GALNT13: variants seen among roughly 807,000 people sequenced by gnomAD.
GALNT13 encodes UDP-GalNAc:polypeptide N-acetylgalactosaminyltransferase 13.
Under a neutral mutation model 64.2 loss-of-function variants are expected in GALNT13, and 28 were observed. The ratio of observed to expected loss-of-function variants is 0.44; its 90% confidence interval spans 0.32 to 0.60. The LOEUF (loss-of-function observed/expected upper bound fraction) is 0.60, where lower values mean the gene tolerates loss of function less well. Ranked by LOEUF, GALNT13 falls within the 20% of genes least tolerant of loss-of-function variation. The probability of loss-of-function intolerance (pLI) is 0.05; values close to 1 mark genes in which losing one functional copy is unlikely to be tolerated. For synonymous variants in GALNT13, 214 were observed against 224.6 expected (o/e 0.95, Z 0.42); for missense variants, 577 against 669.8 (o/e 0.86, Z 1.53).
chr2:154,405,169 C>G (rs1343617029), intron 10 of GALNT13, among the ~76,000 whole-genome samples: 2 of 151,688 alleles, frequency 1.3e-5, no homozygotes, highest in African/African-American at 4.8e-5. Context: ...TAGAAAAGAA[C>G]AACATAAATT....
chr2:153,435,385 T>C, the GALNT13 span, among the ~76,000 whole-genome samples: 5 of 152,164 alleles, frequency 3.3e-5, no homozygotes, highest in Non-Finnish European at 5.9e-5. Context: ...GGTAGCTTGA[T>C]GGGGATGGCA....
At chr2:153,082,606 TATATATATATATACACACACACACACAC>T in the GALNT13 span, among the ~76,000 whole-genome samples, 19 of 44,788 alleles carry the variant, frequency 4.2e-4, no homozygotes, top group South Asian at 7.5e-4. Context: ...TATATATATA[TATATATATATATACACACACACACACAC>T]ACACACACAC....
the GALNT13 span, among the ~76,000 whole-genome samples, chr2:153,341,731 C>T: frequency 2.0e-5 from 3 of 152,194 alleles, no homozygotes; most frequent in African/African-American, 7.2e-5. Context: ...CTCTTGCCTA[C>T]TGTGCTATAA....
the GALNT13 span, among the ~76,000 whole-genome samples, chr2:153,740,816 A>G: frequency 6.6e-6 from 1 of 152,008 alleles, no homozygotes; most frequent in Non-Finnish European, 1.5e-5. Flanking sequence ...TGCTTTGTTC[A>G]TTTTCCGTCA....
chr2:154,092,811 G>T (rs927343293), intron 3 of GALNT13, among the ~76,000 whole-genome samples: 1 of 151,920 alleles, frequency 6.6e-6, no homozygotes, highest in Non-Finnish European at 1.5e-5. Context: ...TTCTTGTGAA[G>T]TAAGAGGCAT....
At chr2:153,333,508 G>T in the GALNT13 span, among the ~76,000 whole-genome samples, 12 of 152,022 alleles carry the variant, frequency 7.9e-5, no homozygotes, top group Non-Finnish European at 4.4e-5. Flanking sequence ...CACAGAGTTG[G>T]TCTTTATGCA....
chr2:154,180,248 A>C (rs1685880581), intron 4 of GALNT13, among the ~76,000 whole-genome samples: 1 of 152,132 alleles, frequency 6.6e-6, no homozygotes, highest in Non-Finnish European at 1.5e-5. Context: ...ATATAAATAG[A>C]CTCATAACAA....
chr2:154,418,990 A>T (rs1376384025), intron 11 of GALNT13, among the ~76,000 whole-genome samples: 1 of 152,120 alleles, frequency 6.6e-6, no homozygotes, highest in Admixed American at 6.6e-5. Context: ...CTCTACCATC[A>T]TAGTAATTGT....
At chr2:153,389,699 T>C in the GALNT13 span, among the ~76,000 whole-genome samples, 1 of 152,128 alleles carries the variant, frequency 6.6e-6, no homozygotes, top group Non-Finnish European at 1.5e-5. Flanking sequence ...TTTTATGAAC[T>C]GGCTTGTATA....
At chr2:153,848,430 T>A in the GALNT13 span, among the ~76,000 whole-genome samples, 3 of 152,082 alleles carry the variant, frequency 2.0e-5, no homozygotes, top group African/African-American at 7.2e-5. Context: ...TCTCAAGAAG[T>A]CATAAAAATA....
chr2:153,399,532 A>G, the GALNT13 span, among the ~76,000 whole-genome samples: 4 of 151,900 alleles, frequency 2.6e-5, no homozygotes, highest in Non-Finnish European at 5.9e-5. Flanking sequence ...CCATTTTCAC[A>G]ATATTGATTC....
the GALNT13 span, among the ~76,000 whole-genome samples, chr2:153,639,117 A>C: frequency 6.6e-6 from 1 of 152,120 alleles, no homozygotes; most frequent in South Asian, 2.1e-4. Context: ...GGGATGGTAA[A>C]GAGATCAGTA....
intron 8 of GALNT13, among the ~76,000 whole-genome samples, chr2:154,274,401 A>G (rs1168578465): frequency 6.6e-6 from 1 of 152,186 alleles, no homozygotes; most frequent in Non-Finnish European, 1.5e-5. Flanking sequence ...CTCAGTTTAC[A>G]AAGTTCTCTG....
chr2:153,384,125 T>C, the GALNT13 span, among the ~76,000 whole-genome samples: 2 of 152,060 alleles, frequency 1.3e-5, no homozygotes, highest in African/African-American at 2.4e-5. Flanking sequence ...TCAAATTCAA[T>C]GACTTCTCTC....
At chr2:153,128,537 A>G in the GALNT13 span, among the ~76,000 whole-genome samples, 1 of 152,252 alleles carries the variant, frequency 6.6e-6, no homozygotes, top group East Asian at 1.9e-4. Context: ...ACAGAGCCAA[A>G]CCATATCAGC....
At chr2:153,457,284 C>CA in the GALNT13 span, among the ~76,000 whole-genome samples, 5 of 152,128 alleles carry the variant, frequency 3.3e-5, no homozygotes, top group Admixed American at 3.3e-4. Flanking sequence ...AAATCTGTCT[C>CA]AAAATGTATA....
chr2:154,383,913 CAG>C (rs374064455), intron 9 of GALNT13, among the ~76,000 whole-genome samples: 33 of 149,486 alleles, frequency 2.2e-4, no homozygotes, highest in African/African-American at 2.7e-4. Context: ...ATATGTGTGT[CAG>C]AGAGAGAGAG....
At chr2:153,952,044 ATAT>A (rs1423442486) in intron 3 of GALNT13, among the ~76,000 whole-genome samples, 1 of 152,144 alleles carries the variant, frequency 6.6e-6, no homozygotes, top group Non-Finnish European at 1.5e-5. Flanking sequence ...TTAGGGGATG[ATAT>A]TAACCCTTTC....
At chr2:153,226,166 T>A in the GALNT13 span, among the ~76,000 whole-genome samples, 1 of 151,984 alleles carries the variant, frequency 6.6e-6, no homozygotes, top group African/African-American at 2.4e-5. Context: ...ACTCCTGACC[T>A]CGTGATCCAC....
Sources: allele counts gnomAD v4.1 joint callset (sites outside exome capture counted in the v4.1 genomes callset), GRCh38; gene constraint gnomAD v4.1.1; transcripts MANE v1.5; gene names NCBI Gene and HGNC (gene_info 2026-07-23, HGNC 2026-07-21).